Variants in CTNNA3 observed in about 807,000 individuals in gnomAD.
CTNNA3 encodes catenin alpha-3.
Under a neutral mutation model 95.7 loss-of-function variants are expected in CTNNA3, and 76 were observed. The ratio of observed to expected loss-of-function variants is 0.79; its 90% CI spans 0.66 to 0.96. CTNNA3 has a LOEUF of 0.96. CTNNA3 is among the 40% of genes least tolerant of loss of function. The pLI is 0.00. For missense variants in CTNNA3, 1,191 were observed against 1,089.8 expected, an observed-to-expected ratio of 1.09 and a Z score of -1.31; for synonymous variants, 431 against 374.4, an observed-to-expected ratio of 1.15 and a Z score of -1.74.
intron 12 of CTNNA3, among the ~76,000 whole-genome samples, chr10:66,282,070 T>C (rs1024629659): frequency 3.3e-5 from 5 of 151,888 alleles, no homozygotes; most frequent in South Asian, 4.1e-4. Flanking sequence ...GTGATTACCA[T>C]TTTGAAGAGT....
intron 5 of CTNNA3, among the ~76,000 whole-genome samples, chr10:67,491,622 T>C (rs1848651812): frequency 6.6e-6 from 1 of 152,226 alleles, no homozygotes; most frequent in African/African-American, 2.4e-5. Context: ...TACTCTGATA[T>C]GGCTGAAAAC....
intron 11 of CTNNA3, among the ~76,000 whole-genome samples, chr10:66,495,765 C>T (rs113305833): frequency 0.015 from 2,328 of 152,192 alleles, 36 homozygotes; most frequent in East Asian, 0.068. Flanking sequence ...AAGTGATTCT[C>T]CTGCCTCAGC....
intron 17 of CTNNA3, among the ~76,000 whole-genome samples, chr10:65,939,935 G>T (rs918695229): frequency 6.6e-6 from 1 of 152,084 alleles, no homozygotes; most frequent in Non-Finnish European, 1.5e-5. Context: ...TCCTGGAAGG[G>T]AACTGTATAT....
chr10:66,045,111 A>T (rs1160701710), intron 15 of CTNNA3, among the ~76,000 whole-genome samples: 2 of 152,218 alleles, frequency 1.3e-5, no homozygotes, highest in Non-Finnish European at 2.9e-5. Flanking sequence ...TCAATGACAG[A>T]GATAATCTGA....
intron 16 of CTNNA3, among the ~76,000 whole-genome samples, chr10:65,976,089 A>G (rs1165014135): frequency 6.6e-6 from 1 of 152,160 alleles, no homozygotes; most frequent in Non-Finnish European, 1.5e-5. Context: ...TCACTTGCCA[A>G]TAAATGGTAT....
chr10:67,264,926 T>C (rs1866760461), intron 5 of CTNNA3, among the ~76,000 whole-genome samples: 1 of 152,228 alleles, frequency 6.6e-6, no homozygotes, highest in South Asian at 2.1e-4. Context: ...AATCCAATTC[T>C]AGTGTTTTGA....
intron 12 of CTNNA3, among the ~76,000 whole-genome samples, chr10:66,313,923 T>A (rs541442017): frequency 6.6e-6 from 1 of 152,290 alleles, no homozygotes; most frequent in South Asian, 2.1e-4. Context: ...GTGAATTTGG[T>A]AAAATGGGAG....
intron 13 of CTNNA3, among the ~76,000 whole-genome samples, chr10:66,259,127 T>C (rs2090901782): frequency 2.0e-5 from 3 of 152,170 alleles, no homozygotes; most frequent in Admixed American, 1.3e-4. Flanking sequence ...CAGGTTACGA[T>C]TCCACCTACA....
At chr10:66,693,354 G>C (rs1373943053) in intron 9 of CTNNA3, among the ~76,000 whole-genome samples, 1 of 143,890 alleles carries the variant, frequency 6.9e-6, no homozygotes, top group Non-Finnish European at 1.5e-5. Flanking sequence ...AAGATCAAAA[G>C]AGACAAAGAA....
intron 10 of CTNNA3, among the ~76,000 whole-genome samples, chr10:66,581,281 C>T (rs1027221860): frequency 5.3e-5 from 8 of 151,768 alleles, no homozygotes; most frequent in Admixed American, 3.9e-4. Flanking sequence ...ATTCCTGGAT[C>T]AAATGGTAGA....
rs538468162 is a variant in CTNNA3 at position 66,399,192 on chromosome 10, T to C, written c.1532-19840A>G. ...TCAAATGTTGACATAAGCTTTGTTT[T>C]CTTATAGTATTATTCACACCAGACA... On this transcript the variant is annotated intron_variant, in intron 11 of 17. Coordinates refer to ENST00000433211, the MANE Select transcript of CTNNA3 (RefSeq NM_013266.4). Among the ~76,000 whole-genome samples the C allele has an allele frequency of 2.5e-3, 377 of 150,312 alleles. 3 individuals carry two copies. The highest frequency in any genetic ancestry group is 4.9e-3 in the Admixed American group (73 of 14,936).
chr10:66,444,079 G>A (rs1057343433), intron 11 of CTNNA3, among the ~76,000 whole-genome samples: 12 of 152,298 alleles, frequency 7.9e-5, no homozygotes, highest in East Asian at 1.9e-4. Flanking sequence ...TATCAGTGAT[G>A]CAAGATGAAA....
Position 66,847,099 on chromosome 10 carries a change from C to T in CTNNA3, c.1048-71575G>A, listed in dbSNP as rs1843309729. Among the ~76,000 whole-genome samples, 4 of 152,120 alleles carry T rather than the reference C, an allele frequency of 2.6e-5. No individual in the cohort carries two copies. The South Asian group carries it at 8.3e-4, about 32-fold the overall frequency. On this transcript the variant is annotated intron_variant, in intron 7 of 17. Transcript: ENST00000433211. ...TTCTAGGCTGCTTGCAGAAGTGTGC[C>T]CCACTAGTTGATGACTTTGGTCTTG...
At chr10:65,939,159 C>T (rs1368049355) in intron 17 of CTNNA3, among the ~76,000 whole-genome samples, 5 of 152,148 alleles carry the variant, frequency 3.3e-5, no homozygotes, top group Admixed American at 6.6e-5. Context: ...CTCGCCTCGG[C>T]CTCTCAAAGT....
intron 7 of CTNNA3, among the ~76,000 whole-genome samples, chr10:67,078,009 G>C (rs1370736262): frequency 6.6e-6 from 1 of 152,110 alleles, no homozygotes; most frequent in Non-Finnish European, 1.5e-5. Context: ...CTGTTACTTT[G>C]GATAATTCTG....
At chr10:66,182,491 G>A (rs2086101457) in intron 13 of CTNNA3, among the ~76,000 whole-genome samples, 1 of 151,954 alleles carries the variant, frequency 6.6e-6, no homozygotes, top group African/African-American at 2.4e-5. Flanking sequence ...TCCTGATCTC[G>A]TGATCCGCCC....
chr10:66,314,713 T>C (rs969037328), intron 12 of CTNNA3, among the ~76,000 whole-genome samples: 21 of 152,090 alleles, frequency 1.4e-4, no homozygotes, highest in Non-Finnish European at 2.8e-4. Context: ...AACATTTCAA[T>C]AATAATTTAT....
chr10:65,962,001 C>T (rs2077854624), intron 17 of CTNNA3, among the ~76,000 whole-genome samples: 1 of 152,100 alleles, frequency 6.6e-6, no homozygotes, highest in Non-Finnish European at 1.5e-5. Flanking sequence ...CAGTTCTAGA[C>T]CGCCCATTCG....
At chr10:66,090,151 T>A (rs1360353299) in intron 14 of CTNNA3, among the ~76,000 whole-genome samples, 3 of 151,982 alleles carry the variant, frequency 2.0e-5, no homozygotes, top group African/African-American at 4.8e-5. Context: ...AGGGTAGGCA[T>A]GTGGCTCAAG....
Sources: gnomAD v4.1 joint callset for allele counts (sites outside exome capture counted in the v4.1 genomes callset) on GRCh38, gnomAD v4.1.1 for gene constraint, MANE v1.5 for transcripts, NCBI Gene and HGNC (gene_info 2026-07-23, HGNC 2026-07-21) for gene names.